RELN: variants seen among roughly 807,000 people sequenced by gnomAD.
RELN encodes the protein reelin.
In RELN, 108 loss-of-function variants were observed where a neutral mutation model predicts 427.6. That is an observed-to-expected ratio of 0.25 (90% CI 0.22 to 0.30). RELN has a LOEUF of 0.30. RELN is among the 10% of genes least tolerant of loss of function. RELN has a pLI of 1.00. For synonymous variants in RELN, 1,524 were observed against 1,513.4 expected (o/e 1.01, Z -0.16); for missense variants, 3,715 against 4,302.8 (o/e 0.86, Z 3.82).
At chr7:103,835,549 T>C (rs938925542) in intron 2 of RELN, among the ~76,000 whole-genome samples, 2 of 152,150 alleles carry the variant, frequency 1.3e-5, no homozygotes, top group East Asian at 1.9e-4. Flanking sequence ...TGTGTAGGGA[T>C]AGTGGGTGTA....
chr7:103,551,954 T>C (rs148927831), intron 40 of RELN, among the ~76,000 whole-genome samples: 3,367 of 152,170 alleles, frequency 0.022, 131 homozygotes, highest in African/African-American at 0.076. Context: ...TGTGTGTGTG[T>C]GTGTGGTAAG....
At chr7:103,639,261 T>C (rs1397302587) in intron 17 of RELN, among the ~76,000 whole-genome samples, 4 of 152,204 alleles carry the variant, frequency 2.6e-5, no homozygotes, top group African/African-American at 7.2e-5. Flanking sequence ...ACATACTTTA[T>C]AAAAAATTTC....
chr7:103,528,755 A>G (rs1332898316), intron 46 of RELN, among the ~76,000 whole-genome samples: 2 of 149,182 alleles, frequency 1.3e-5, no homozygotes, highest in Non-Finnish European at 3.0e-5. Flanking sequence ...TCTTGAACTC[A>G]TGACTTGAGG....
At chr7:103,935,312 T>C (rs1279621872) in intron 1 of RELN, among the ~76,000 whole-genome samples, 1 of 152,224 alleles carries the variant, frequency 6.6e-6, no homozygotes, top group East Asian at 1.9e-4. Context: ...CAGCTCTCAC[T>C]AACGTCACTA....
chr7:103,888,323 GAA>G (rs1257156705), intron 2 of RELN, among the ~76,000 whole-genome samples: 16 of 151,872 alleles, frequency 1.1e-4, no homozygotes, highest in Non-Finnish European at 2.2e-4. Flanking sequence ...ACCTAGAGAG[GAA>G]TCACAAGAAA....
chr7:103,794,945 A>G (rs971474346), intron 3 of RELN, among the ~76,000 whole-genome samples: 1 of 152,184 alleles, frequency 6.6e-6, no homozygotes, highest in African/African-American at 2.4e-5. Context: ...TACACAGAAC[A>G]TCGTGCTTAC....
At chr7:103,730,797 G>T (rs981371588) in intron 6 of RELN, among the ~76,000 whole-genome samples, 1 of 152,070 alleles carries the variant, frequency 6.6e-6, no homozygotes, top group Admixed American at 6.6e-5. Context: ...GTCTGACTGG[G>T]TTTGTCAACA....
At chr7:103,849,080 G>A (rs1020115233) in intron 2 of RELN, among the ~76,000 whole-genome samples, 1 of 152,190 alleles carries the variant, frequency 6.6e-6, no homozygotes, top group Non-Finnish European at 1.5e-5. Context: ...TCTGACCCCA[G>A]ATGATGGCAT....
intron 3 of RELN, among the ~76,000 whole-genome samples, chr7:103,793,682 G>A (rs1052263501): frequency 6.6e-6 from 1 of 152,202 alleles, no homozygotes; most frequent in Non-Finnish European, 1.5e-5. Context: ...TGTATTTTCA[G>A]GGAAAGCAAA....
chr7:103,911,329 G>A (rs1350306212), intron 2 of RELN, among the ~76,000 whole-genome samples: 1 of 150,546 alleles, frequency 6.6e-6, no homozygotes, highest in African/African-American at 2.5e-5. Flanking sequence ...AGTGAGAATG[G>A]CAATCATTAA....
chr7:103,604,257 C>T, intron 23 of RELN, 89 bp downstream of exon 23: 1 of 1,463,006 alleles, frequency 6.8e-7, no homozygotes, highest in South Asian at 1.1e-5. Context: ...ATCGGTCTAT[C>T]CATGTCACTC....
chr7:103,759,530 T>G (rs1791243091), intron 4 of RELN, among the ~76,000 whole-genome samples: 1 of 152,162 alleles, frequency 6.6e-6, no homozygotes. Context: ...TATGTTAACA[T>G]GTCTCTGTGT....
intron 1 of RELN, among the ~76,000 whole-genome samples, chr7:103,950,198 C>A (rs1796306021): frequency 6.6e-6 from 1 of 152,090 alleles, no homozygotes. Flanking sequence ...AAGGTTCCGC[C>A]CTCATGACCT....
chr7:103,565,173 A>G lies in RELN; in HGVS notation c.5210+105T>C, dbSNP rs920609114. 6.3e-6 allele frequency: 9 copies of G among 1,429,754 alleles called. No individual in the cohort carries two copies. The African/African-American group carries it at 1.3e-4, about 20-fold the overall frequency. 88.6% of individuals were successfully genotyped at this position (1,429,754 alleles called of 1,614,324 possible). On this transcript the variant is annotated intron_variant, in intron 34 of 64. Transcript: ENST00000428762. ...TTTCTTCCTGGCACTTCCATGCATA[A>G]TTATCATGAAAGAATAATAGAATCC...
chr7:103,781,015 C>A (rs1270978337), intron 3 of RELN, among the ~76,000 whole-genome samples: 2 of 152,206 alleles, frequency 1.3e-5, no homozygotes, highest in Non-Finnish European at 2.9e-5. Flanking sequence ...ACTTGCATCA[C>A]TTTCTTTCCA....
chr7:103,629,120 C>T (rs943188305), intron 20 of RELN, among the ~76,000 whole-genome samples: 1 of 152,186 alleles, frequency 6.6e-6, no homozygotes, highest in Non-Finnish European at 1.5e-5. Flanking sequence ...ACTTTCCAAT[C>T]AGTAGAATGT....
At chr7:103,972,768 A>C (rs1796789922) in intron 1 of RELN, among the ~76,000 whole-genome samples, 2 of 152,196 alleles carry the variant, frequency 1.3e-5, no homozygotes, top group South Asian at 4.1e-4. Flanking sequence ...TTTAAAGCTA[A>C]ATTAGAAAGA....
chr7:103,894,493 G>A (rs544386087), intron 2 of RELN, among the ~76,000 whole-genome samples: 1 of 152,184 alleles, frequency 6.6e-6, no homozygotes, highest in Middle Eastern at 3.4e-3. Context: ...AGATTTAAAA[G>A]CATGCTATTT....
intron 43 of RELN, 144 bp from the exon 44 acceptor site, chr7:103,540,599 CAA>C (rs949771810): frequency 1.3e-4 from 94 of 740,064 alleles, no homozygotes; most frequent in Admixed American, 4.4e-4. Context: ...GCAATCACTT[CAA>C]AGTCTGATTT....
Sources: gnomAD v4.1 joint callset for allele counts (sites outside exome capture counted in the v4.1 genomes callset) on GRCh38, gnomAD v4.1.1 for gene constraint, MANE v1.5 for transcripts, NCBI Gene and HGNC (gene_info 2026-07-23, HGNC 2026-07-21) for gene names.